The following SUGCT variants were observed in gnomAD, a reference collection of about 807,000 sequenced individuals.
SUGCT encodes the protein succinyl-CoA:glutarate-CoA transferase, also known as succinyl-CoA:glutarate CoA-transferase.
In SUGCT, 41 loss-of-function variants were observed where a neutral mutation model predicts 55.0. The ratio of observed to expected loss-of-function variants is 0.74; its 90% CI spans 0.58 to 0.97. The LOEUF is 0.97. Ranked by LOEUF, SUGCT falls within the 50% of genes least tolerant of loss-of-function variation. SUGCT has a pLI of 0.00. For synonymous variants in SUGCT, 187 were observed against 200.4 expected (o/e 0.93, Z 0.56); for missense variants, 568 against 547.8 (o/e 1.04, Z -0.37).
rs367604896 is a variant in SUGCT at position 40,439,072 on chromosome 7, A to ATGTG, written c.817-10214_817-10213insGTGT. On this transcript the variant is annotated intron_variant, in intron 9 of 13. Transcript: ENST00000335693. ...TATGGTATATATATGGTGTATATAT[A>ATGTG]TATATATATATATATATATATATAT... is the stretch of plus-strand genomic sequence containing the variant. 5.8e-3 allele frequency among the ~76,000 whole-genome samples: 297 copies of ATGTG among 51,382 alleles called. 23 individuals carry two copies. Among genetic ancestry groups the ATGTG allele is most frequent in the African/African-American group, 0.02 (222 of 11,308 alleles). 33.7% of individuals were successfully genotyped at this position (51,382 alleles called of 152,430 possible).
At chr7:40,685,157 C>A (rs1784413710) in intron 12 of SUGCT, among the ~76,000 whole-genome samples, 1 of 152,050 alleles carries the variant, frequency 6.6e-6, no homozygotes, top group Non-Finnish European at 1.5e-5. Flanking sequence ...ACACCTGGCT[C>A]TTATGAGTAT....
intron 10 of SUGCT, among the ~76,000 whole-genome samples, chr7:40,449,770 C>T (rs7810098): frequency 0.1 from 15,742 of 151,938 alleles, 1,100 homozygotes; most frequent in Middle Eastern, 0.19. Context: ...TAAGCTACTC[C>T]CATATTTATT....
intron 12 of SUGCT, among the ~76,000 whole-genome samples, chr7:40,746,855 G>A (rs1041010804): frequency 6.6e-6 from 1 of 152,178 alleles, no homozygotes; most frequent in African/African-American, 2.4e-5. Flanking sequence ...ACTCACTTTT[G>A]TCTTTCGTGA....
chr7:40,317,409 C>G (rs899423644), intron 9 of SUGCT, among the ~76,000 whole-genome samples: 1 of 152,158 alleles, frequency 6.6e-6, no homozygotes, highest in Non-Finnish European at 1.5e-5. Context: ...TAACTGTGAT[C>G]TTTCAAAAAT....
chr7:40,758,066 G>A (rs1788345491), intron 13 of SUGCT, among the ~76,000 whole-genome samples: 1 of 152,118 alleles, frequency 6.6e-6, no homozygotes. Context: ...CAGTATCATG[G>A]CGTTAACTTG....
chr7:40,308,867 GGGCAT>G (rs1794981697), intron 8 of SUGCT, among the ~76,000 whole-genome samples: 1 of 152,092 alleles, frequency 6.6e-6, no homozygotes, highest in Non-Finnish European at 1.5e-5. Flanking sequence ...AAAATTAGCT[GGGCAT>G]GGTGTTGTGT....
At chr7:40,691,430 A>G in intron 12 of SUGCT, among the ~76,000 whole-genome samples, 1 of 152,140 alleles carries the variant, frequency 6.6e-6, no homozygotes, top group East Asian at 1.9e-4. Flanking sequence ...TGGGGTTTAG[A>G]AAGAATTGAA....
the SUGCT span, among the ~76,000 whole-genome samples, chr7:40,897,458 C>T: frequency 7.0e-6 from 1 of 143,418 alleles, no homozygotes; most frequent in Non-Finnish European, 1.5e-5. Flanking sequence ...CACACACACA[C>T]ACACATTTGG....
At chr7:40,339,862 C>A (rs929059328) in intron 9 of SUGCT, among the ~76,000 whole-genome samples, 1 of 152,192 alleles carries the variant, frequency 6.6e-6, no homozygotes, top group Non-Finnish European at 1.5e-5. Context: ...TAGACTGGAG[C>A]TGTTGCTCTT....
Position 40,643,409 on chromosome 7 carries a change from G to A in SUGCT, c.1090-106025G>A, listed in dbSNP as rs1800355194. On this transcript the variant is annotated intron_variant, in intron 12 of 13. Coordinates refer to ENST00000335693, the MANE Select transcript of SUGCT (RefSeq NM_001193313.2). ...TGCAGTAGAACCATTTCAGAGGTCT[G>A]GAAACTATAGTGTGAAGTGCCGGGT... Among the ~76,000 whole-genome samples the A allele has an allele frequency of 1.3e-5, 2 of 152,148 alleles. 1 individual carries two copies. The highest frequency in any genetic ancestry group is 4.1e-4 in the South Asian group (2 of 4,822).
chr7:41,014,580 T>C, the SUGCT span, among the ~76,000 whole-genome samples: 18 of 152,296 alleles, frequency 1.2e-4, no homozygotes, highest in Admixed American at 7.8e-4. Flanking sequence ...AGCTGAGGAC[T>C]TGGGGATGTG....
At chr7:40,947,786 T>C in the SUGCT span, among the ~76,000 whole-genome samples, 1 of 152,206 alleles carries the variant, frequency 6.6e-6, no homozygotes, top group Non-Finnish European at 1.5e-5. Context: ...AATGCTTGTT[T>C]CCCTGCCATT....
At chr7:40,642,254 A>G (rs1023662671) in intron 12 of SUGCT, among the ~76,000 whole-genome samples, 1 of 152,222 alleles carries the variant, frequency 6.6e-6, no homozygotes, top group Non-Finnish European at 1.5e-5. Context: ...ACTTTCGATG[A>G]TGTTCTTGGG....
intron 12 of SUGCT, among the ~76,000 whole-genome samples, chr7:40,528,817 C>T (rs375344143): frequency 1.1e-4 from 16 of 152,290 alleles, no homozygotes; most frequent in East Asian, 5.8e-4. Flanking sequence ...GCTTCTTGCA[C>T]AGGATCGACC....
chr7:40,919,082 T>G, the SUGCT span, among the ~76,000 whole-genome samples: 3 of 152,194 alleles, frequency 2.0e-5, no homozygotes, highest in African/African-American at 7.2e-5. Context: ...GTTTTATCTT[T>G]CCTCTCTACT....
the SUGCT span, among the ~76,000 whole-genome samples, chr7:40,883,718 G>A: frequency 6.6e-6 from 1 of 152,164 alleles, no homozygotes; most frequent in African/African-American, 2.4e-5. Flanking sequence ...TACTTTACCT[G>A]TTTTAATGTA....
chr7:40,585,498 C>A (rs138302977), intron 12 of SUGCT, among the ~76,000 whole-genome samples: 4 of 152,230 alleles, frequency 2.6e-5, no homozygotes, highest in Non-Finnish European at 4.4e-5. Flanking sequence ...TTCTGTAGAT[C>A]TTTTGACAAA....
chr7:40,635,835 A>G (rs1799999112), intron 12 of SUGCT, among the ~76,000 whole-genome samples: 1 of 152,218 alleles, frequency 6.6e-6, no homozygotes, highest in African/African-American at 2.4e-5. Context: ...CCCAGGTATC[A>G]CTGGATGATT....
intron 12 of SUGCT, among the ~76,000 whole-genome samples, chr7:40,534,391 CTT>C (rs919878770): frequency 6.8e-6 from 1 of 147,410 alleles, no homozygotes; most frequent in Non-Finnish European, 1.5e-5. Flanking sequence ...TTCTTAATTT[CTT>C]TTTTTTTTTG....
Sources: allele counts gnomAD v4.1 joint callset (sites outside exome capture counted in the v4.1 genomes callset), GRCh38; gene constraint gnomAD v4.1.1; transcripts MANE v1.5; gene names NCBI Gene and HGNC (gene_info 2026-07-23, HGNC 2026-07-21).